Variants in SGK2 observed in about 807,000 individuals in gnomAD.
SGK2 encodes serine/threonine-protein kinase Sgk2.
In SGK2, 36 loss-of-function variants were observed where a neutral mutation model predicts 47.5. That is an observed-to-expected ratio of 0.76 (90% CI 0.58 to 1.00). The LOEUF is 1.00. SGK2 is among the 50% of genes least tolerant of loss of function. The probability of loss-of-function intolerance (pLI) is 0.00; values close to 1 mark genes in which losing one functional copy is unlikely to be tolerated. For missense variants in SGK2, 404 were observed against 467.4 expected (o/e 0.86, Z 1.25); for synonymous variants, 157 against 181.9 (o/e 0.86, Z 1.10).
chr20:43,579,737 A>C (rs1394423515), intron 11 of SGK2, among the ~76,000 whole-genome samples: 2 of 152,298 alleles, frequency 1.3e-5, no homozygotes, highest in East Asian at 3.9e-4. Context: ...GAAGATGCTC[A>C]GTAAATAGTT....
At chr20:43,578,920 A>G (rs955142603) in intron 11 of SGK2, among the ~76,000 whole-genome samples, 3 of 152,160 alleles carry the variant, frequency 2.0e-5, no homozygotes, top group African/African-American at 7.2e-5. Flanking sequence ...AAAGGGTACA[A>G]AAGAGTATCT....
At chr20:43,578,313 G>A (rs1174740984) in intron 11 of SGK2, among the ~76,000 whole-genome samples, 1 of 151,908 alleles carries the variant, frequency 6.6e-6, no homozygotes, top group African/African-American at 2.4e-5. Context: ...GGCGAAACCC[G>A]GTCTCTACTA....
chr20:43,569,131 C>CTCTG (rs759150309), intron 5 of SGK2, among the ~76,000 whole-genome samples: 1 of 152,172 alleles, frequency 6.6e-6, no homozygotes, highest in Non-Finnish European at 1.5e-5. Flanking sequence ...GGGCAAGAAG[C>CTCTG]TCTGATACAG....
chr20:43,571,997 G>A, intron 8 of SGK2, 54 bp from the exon 9 acceptor site: 1 of 1,328,728 alleles, frequency 7.5e-7, no homozygotes, highest in Non-Finnish European at 1.1e-6. Context: ...GGTTAGGCCT[G>A]GCCATACCCT....
chr20:43,560,498 CAAA>C (rs5841509), intron 1 of SGK2, among the ~76,000 whole-genome samples: 4,258 of 117,882 alleles, frequency 0.036, 190 homozygotes, highest in African/African-American at 0.11. Flanking sequence ...GACTCCATCT[CAAA>C]AAAAAAAAAA....
rs1322338750 is a variant in SGK2, at chr20:43,572,200, G to C, written c.597+63G>C. ...TGGGTGAGGCCACAGCTCCTGATTA[G>C]AGCCAACAGGTTACAGTGAAGGGGA... is the stretch of plus-strand genomic sequence containing the variant. On this transcript the variant is annotated intron_variant, in intron 9 of 12. Transcript: ENST00000373100. The surrounding 1 kb of genome is among the most constrained non-coding windows in gnomAD (Gnocchi z 4.2). 5.7e-6 allele frequency: 7 copies of C among 1,230,186 alleles called. No homozygotes were observed. The Admixed American group carries it at 6.0e-5, about 11-fold the overall frequency. 76.2% of individuals were successfully genotyped at this position (1,230,186 alleles called of 1,614,324 possible).
At chr20:43,584,813 C>G (rs1981000984) in intron 12 of SGK2, 39 bp from the exon 13 acceptor site, 1 of 1,591,264 alleles carries the variant, frequency 6.3e-7, no homozygotes, top group South Asian at 1.1e-5. Flanking sequence ...GCAGCTCTGA[C>G]CCCGGTGTTT....
At chr20:43,559,798 C>T (rs1309964382) in intron 1 of SGK2, among the ~76,000 whole-genome samples, 6 of 152,182 alleles carry the variant, frequency 3.9e-5, no homozygotes, top group Non-Finnish European at 7.3e-5. Context: ...GGAGAGAGAA[C>T]TGTGTGACAC....
chr20:43,562,469 G>A (rs113159311), intron 1 of SGK2, among the ~76,000 whole-genome samples: 2,181 of 149,662 alleles, frequency 0.015, 55 homozygotes, highest in African/African-American at 0.051. Flanking sequence ...GGCTGGGCAC[G>A]GTGGCTCACA....
Position 43,576,427 on chromosome 20 carries a change from T to G in SGK2, c.849+48T>G. 5 of 1,548,290 alleles carry G rather than the reference T, an allele frequency of 3.2e-6. No individual in the cohort carries two copies. The South Asian group carries it at 4.6e-5, about 14-fold the overall frequency. On this transcript the variant is annotated intron_variant, in intron 11 of 12. Transcript: ENST00000373100. Reference sequence around the variant, plus strand: ...ACTGGCCCCCATGGGGCTCGCAGCTTCCTGCAGAGGCAGCTCAGAAGCACA... The same window carrying G: ...ACTGGCCCCCATGGGGCTCGCAGCTGCCTGCAGAGGCAGCTCAGAAGCACA...
At chr20:43,578,306 G>A (rs547769060) in intron 11 of SGK2, among the ~76,000 whole-genome samples, 48 of 152,186 alleles carry the variant, frequency 3.2e-4, no homozygotes, top group South Asian at 6.2e-4. Context: ...CCAACATGGC[G>A]AAACCCGGTC....
intron 6 of SGK2, chr20:43,569,777 G>A (rs1979984803): frequency 6.8e-6 from 3 of 442,068 alleles, no homozygotes; most frequent in Non-Finnish European, 1.3e-5. Flanking sequence ...ATTCAGAGTT[G>A]CCCATAGACG....
At chr20:43,566,718 G>A (rs532936121) in intron 2 of SGK2, among the ~76,000 whole-genome samples, 187 bp downstream of exon 2, 1 of 152,180 alleles carries the variant, frequency 6.6e-6, no homozygotes, top group Non-Finnish European at 1.5e-5. Context: ...GAAAAATCAT[G>A]AGATTTGTCA....
At chr20:43,583,467 G>C (rs1980918201) in intron 12 of SGK2, 2 of 1,177,918 alleles carry the variant, frequency 1.7e-6, no homozygotes, top group African/African-American at 1.6e-5. Context: ...GTGCTGGGCT[G>C]GGACTACCTT....
rs1980370538 is a variant in SGK2 at position 43,574,908 on chromosome 20, G to A, written c.598-1G>A. 6.2e-7 allele frequency: 1 copy of A among 1,611,768 alleles called. No individual in the cohort carries two copies. The highest frequency in any genetic ancestry group is 1.3e-5 in the African/African-American group (1 of 74,998). ...CAAATAAGTGTGTTTCCTTCTAACAGTACTTGGCACCTGAAGTGCTTCGGA... is the reference window on the plus strand; with the variant it reads ...CAAATAAGTGTGTTTCCTTCTAACAATACTTGGCACCTGAAGTGCTTCGGA... On this transcript the variant is annotated splice_acceptor_variant, in intron 9 of 12. Transcript: ENST00000373100. LOFTEE classifies it high-confidence loss of function.
intron 11 of SGK2, 99 bp from the exon 12 acceptor site, chr20:43,579,873 C>A: frequency 1.3e-6 from 1 of 786,108 alleles, no homozygotes; most frequent in Admixed American, 1.9e-5. Flanking sequence ...CAGTTGACAG[C>A]CAGTTGCTTG....
intron 9 of SGK2, among the ~76,000 whole-genome samples, chr20:43,573,304 C>G (rs1187128959): frequency 2.6e-5 from 4 of 152,224 alleles, no homozygotes; most frequent in Non-Finnish European, 4.4e-5. Context: ...GCCTGGCCAA[C>G]ATGGCGAAAC....
chr20:43,570,636 G>A lies in SGK2; in HGVS notation c.380G>A (p.Arg127Gln), dbSNP rs35187177. ...CTCCAGCTCTTCTTCCACCTGCAGC[G>A]GGAGCGCCGGTTCCTGGAGCCCCGG... Reference protein sequence around the residue: ...NGGELFFHLQRERRFLEPRAR... With the variant: ...NGGELFFHLQQERRFLEPRAR... Residue 127 changes from arginine to glutamine, a missense_variant, in exon 7 of 13, where the codon CGG (arginine) becomes CAG (glutamine). By Grantham distance (43) the Arg-to-Gln change is conservative. Transcript: ENST00000373100. 5.0e-5 allele frequency: 80 copies of A among 1,609,476 alleles called. No homozygotes were observed. Among genetic ancestry groups the A allele is most frequent in the Admixed American group, 1.5e-4 (9 of 59,628 alleles).
At chr20:43,567,747 A>G (rs756064980) in intron 4 of SGK2, 25 bp downstream of exon 4, 2 of 1,612,780 alleles carry the variant, frequency 1.2e-6, no homozygotes, top group African/African-American at 2.7e-5. Context: ...GAGGGTGGGA[A>G]GCCTGGGTCT....
Sources: gnomAD v4.1 joint callset for allele counts (sites outside exome capture counted in the v4.1 genomes callset) on GRCh38, gnomAD v4.1.1 for gene constraint, Gnocchi (gnomAD v3.1) non-coding constraint, MANE v1.5 for transcripts, NCBI Gene and HGNC (gene_info 2026-07-23, HGNC 2026-07-21) for gene names.